Variants in FDFT1 observed in about 807,000 individuals in gnomAD.
FDFT1 encodes the protein squalene synthase.
In FDFT1, 68 loss-of-function variants were observed where a neutral mutation model predicts 46.8. The ratio of observed to expected loss-of-function variants is 1.45; its 90% CI spans 1.19 to 1.78. The LOEUF (loss-of-function observed/expected upper bound fraction) is 1.78, where lower values mean the gene tolerates loss of function less well. Among genes scored for constraint, FDFT1 ranks in the 40% most tolerant of loss-of-function variants. The pLI is 0.00. For synonymous variants in FDFT1, 351 were observed against 185.1 expected (o/e 1.90, Z -7.28); for missense variants, 928 against 524.4 (o/e 1.77, Z -7.52).
intron 2 of FDFT1, 76 bp from the exon 3 acceptor site, chr8:11,809,591 C>T: frequency 7.0e-7 from 1 of 1,433,056 alleles, no homozygotes; most frequent in Non-Finnish European, 9.4e-7. Flanking sequence ...AGAAAGTGGC[C>T]AGGCACAAGT....
chr8:11,836,888 T>A (rs968316808), intron 7 of FDFT1, among the ~76,000 whole-genome samples: 1 of 152,108 alleles, frequency 6.6e-6, no homozygotes, highest in Non-Finnish European at 1.5e-5. Flanking sequence ...AATGCAAAAA[T>A]TAGCCAGGGA....
intron 6 of FDFT1, 76 bp downstream of exon 6, chr8:11,830,496 C>G: frequency 1.9e-6 from 2 of 1,061,056 alleles, no homozygotes; most frequent in Admixed American, 2.0e-5. Flanking sequence ...TTTTGCTGTG[C>G]TATATTCAAG....
chr8:11,808,628 C>T (rs1008962016), intron 1 of FDFT1, 166 bp from the exon 2 acceptor site: 1 of 1,393,796 alleles, frequency 7.2e-7, no homozygotes, highest in East Asian at 2.8e-5. Flanking sequence ...CCCCGCGGGG[C>T]TGCTGCTTGC....
chr8:11,801,766 T>C (rs1048629310), upstream of FDFT1: 1 of 359,322 alleles, frequency 2.8e-6, no homozygotes, highest in Non-Finnish European at 5.4e-6. Context: ...TCATCTTGGC[T>C]CACTGCAAAC....
intron 3 of FDFT1, among the ~76,000 whole-genome samples, chr8:11,810,825 T>C (rs973910051): frequency 6.6e-6 from 1 of 151,144 alleles, no homozygotes; most frequent in Non-Finnish European, 1.5e-5. Context: ...CCTTATGTTA[T>C]TGAAACAAAC....
chr8:11,838,262 C>T (rs1345300809), intron 7 of FDFT1, 126 bp from the exon 8 acceptor site: 1 of 736,758 alleles, frequency 1.4e-6, no homozygotes, highest in African/African-American at 1.7e-5. Flanking sequence ...TGTTCATGTT[C>T]TCTGAGCCTC....
intron 7 of FDFT1, among the ~76,000 whole-genome samples, chr8:11,834,032 C>T (rs1811216893): frequency 1.3e-5 from 2 of 152,196 alleles, no homozygotes; most frequent in South Asian, 2.1e-4. Flanking sequence ...AGTCGTCTGG[C>T]CTCTTGCTGG....
intron 1 of FDFT1, chr8:11,803,298 TGGTAAGC>T: frequency 3.8e-6 from 5 of 1,310,454 alleles, no homozygotes; most frequent in Non-Finnish European, 5.0e-6. Flanking sequence ...GTGAGTTTTT[TGGTAAGC>T]GGAATGAACT....
At chr8:11,800,136 C>T (rs1035299128), upstream of FDFT1, among the ~76,000 whole-genome samples, 4 of 151,060 alleles carry the variant, frequency 2.6e-5, no homozygotes, top group Admixed American at 6.6e-5. Flanking sequence ...GGTTGGGCGC[C>T]TGTAATCCCA....
Position 11,830,270 on chromosome 8 carries a change from AG to A in FDFT1, c.733del (p.Asp245IlefsTer15), listed in dbSNP as rs1563336907. 2 of 1,614,052 alleles carry A rather than the reference AG, an allele frequency of 1.2e-6. No homozygotes were observed. Among genetic ancestry groups the A allele is most frequent in the Non-Finnish European group, 1.7e-6 (2 of 1,179,910 alleles). On this transcript the variant is annotated frameshift_variant, in exon 6 of 8. Transcript: ENST00000220584. LOFTEE classifies it high-confidence loss of function. ...TTTGGAGCAGGTATGTTAAGAAGTT[AG>A]GGGATTTTGCTAAGCCGGAGAATAT... Reference protein sequence around the residue: ...EVWSRYVKKLGDFAKPENIDL... With the variant: ...EVWSRYVKKLXDFAKPENIDL...
intron 6 of FDFT1, 37 bp from the exon 7 acceptor site, chr8:11,831,481 A>G (rs772985825): frequency 3.1e-6 from 5 of 1,596,472 alleles, no homozygotes; most frequent in East Asian, 2.2e-5. Context: ...TAACGACATC[A>G]TTTCTTCTTT....
At position 11,808,657 on chromosome 8, in the gene FDFT1, G is replaced by A. The variant is rs549997933; in HGVS notation, c.100-137G>A. The stretch of plus-strand genomic sequence containing the variant: ...TGCTTGCCTCCTGCCGCCTGGCCCT[G>A]CAAGGACTGGCCTCGGGGAGAGGGC... On this transcript the variant is annotated intron_variant, in intron 1 of 7. Coordinates refer to ENST00000220584, the MANE Select transcript of FDFT1 (RefSeq NM_004462.5). 1.9e-5 allele frequency: 28 copies of A among 1,442,270 alleles called. No homozygotes were observed. In the South Asian group the frequency reaches 3.6e-4, roughly 18 times the overall value. The allele number at this position is 1,442,270 out of a possible 1,614,324, so 89.3% of individuals were successfully genotyped here. A position where few individuals can be genotyped will look rare whatever the true frequency, so the allele number is the denominator to read the frequency against.
intron 3 of FDFT1, among the ~76,000 whole-genome samples, chr8:11,812,674 A>G (rs936824256): frequency 1.3e-5 from 2 of 152,350 alleles, no homozygotes; most frequent in South Asian, 2.1e-4. Context: ...TTTTAGCTAC[A>G]TATAGTATGT....
In FDFT1 at chr8:11,830,358, G is replaced by A. The variant is rs746271702; in HGVS notation, c.817G>A (p.Val273Ile). The change falls in exon 6 of 8, where the codon GTC becomes ATC. Residue 273 changes from valine to isoleucine, a missense_variant. Physicochemically the swap from Val to Ile is conservative, Grantham distance 29. Transcript: ENST00000220584. ...CAATGCACTGCACCACATCCCAGAT[G>A]TCATCACCTACCTTTCGAGACTCAG... Reference protein sequence around the residue: ...ITNALHHIPDVITYLSRLRNQ... With the variant: ...ITNALHHIPDIITYLSRLRNQ... The A allele has an allele frequency of 2.0e-5, 33 of 1,613,824 alleles. No homozygotes were observed. Among genetic ancestry groups the A allele is most frequent in the African/African-American group, 2.7e-5 (2 of 74,906 alleles).
Position 11,835,971 on chromosome 8 carries a change from TAAAA to T in FDFT1, c.1033-2396_1033-2393del, listed in dbSNP as rs755611965. Reference sequence around the variant, plus strand: ...TTATGTGATGAAACCCTGTCTCTACTAAAAAAAAAAAAAAAAAAAAAAAATACAA... The same window carrying T: ...TTATGTGATGAAACCCTGTCTCTACTAAAAAAAAAAAAAAAAAAAATACAA... On this transcript the variant is annotated intron_variant, in intron 7 of 7. Transcript: ENST00000220584. Among the ~76,000 whole-genome samples, 538 of 64,598 alleles carry T rather than the reference TAAAA, an allele frequency of 8.3e-3. 7 individuals are homozygous for T. Among genetic ancestry groups the T allele is most frequent in the Non-Finnish European group, 0.013 (427 of 33,634 alleles). 42.4% of individuals were successfully genotyped at this position (64,598 alleles called of 152,430 possible).
At chr8:11,799,982 G>T (rs536047857), upstream of FDFT1, among the ~76,000 whole-genome samples, 1 of 149,728 alleles carries the variant, frequency 6.7e-6, no homozygotes, top group Non-Finnish European at 1.5e-5. Flanking sequence ...AGCACTCGAA[G>T]GCTGGGCGCA....
upstream of FDFT1, chr8:11,801,813 C>T (rs146885704): frequency 0.02 from 7,429 of 371,464 alleles, 97 homozygotes; most frequent in Middle Eastern, 0.07. Flanking sequence ...CCTGCCTCAG[C>T]CTCCGGAGTA....
At chr8:11,802,182 C>A, upstream of FDFT1, 1 of 442,082 alleles carries the variant, frequency 2.3e-6, no homozygotes, top group Non-Finnish European at 4.5e-6. Context: ...GGCGGGCAGG[C>A]GAGCTGGGCT....
At chr8:11,802,962 G>C (rs750721611) in intron 1 of FDFT1, 31 bp downstream of exon 1, 27 of 1,572,422 alleles carry the variant, frequency 1.7e-5, no homozygotes, top group Non-Finnish European at 2.3e-5. Flanking sequence ...TGCCCGGGGC[G>C]GGGAAGGAGC....
Sources: gnomAD v4.1 joint callset for allele counts (sites outside exome capture counted in the v4.1 genomes callset) on GRCh38, gnomAD v4.1.1 for gene constraint, MANE v1.5 for transcripts, NCBI Gene and HGNC (gene_info 2026-07-23, HGNC 2026-07-21) for gene names.